TMEM209: variants seen among roughly 807,000 people sequenced by gnomAD.
The protein encoded by TMEM209 is transmembrane protein 209.
TMEM209 carries 65 observed loss-of-function variants against 76.2 expected under a neutral mutation model. That is an observed-to-expected ratio of 0.85 (90% CI 0.70 to 1.05). TMEM209 has a LOEUF of 1.05. Ranked by LOEUF, TMEM209 falls within the 50% of genes least tolerant of loss-of-function variation. The probability of loss-of-function intolerance (pLI) is 0.00; values close to 1 mark genes in which losing one functional copy is unlikely to be tolerated. For missense variants in TMEM209, 623 were observed against 685.5 expected (o/e 0.91, Z 1.02); for synonymous variants, 239 against 237.6 (o/e 1.01, Z -0.06).
chr7:130,202,011 TCTGACC>T lies in TMEM209; in HGVS notation c.406_411del (p.Gly136_Gln137del). 6.2e-7 allele frequency: 1 copy of T among 1,613,720 alleles called. No homozygotes were observed. The highest frequency in any genetic ancestry group is 1.1e-5 in the South Asian group (1 of 91,064). On this transcript the variant is annotated inframe_deletion, in exon 5 of 15. Coordinates refer to ENST00000397622, the MANE Select transcript of TMEM209 (RefSeq NM_032842.4). ...CGAGAAGGGCTATAACTCAACACAC[TCTGACC>T]CTGAATTGAAGGGGAAGGTGGAGCG...
intron 5 of TMEM209, among the ~76,000 whole-genome samples, chr7:130,194,374 T>TA (rs766189855): frequency 3.9e-4 from 58 of 150,142 alleles, no homozygotes; most frequent in East Asian, 1.8e-3. Context: ...GCCCAGGAGT[T>TA]AGAGGCTATG....
intron 7 of TMEM209, among the ~76,000 whole-genome samples, chr7:130,184,605 G>A (rs144457886): frequency 0.021 from 3,184 of 150,152 alleles, 108 homozygotes; most frequent in African/African-American, 0.073. Context: ...CAATCCTCCC[G>A]CCTCAGCCTC....
chr7:130,202,703 AG>A (rs1798259008), intron 3 of TMEM209, 40 bp from the exon 4 acceptor site: 1 of 1,593,750 alleles, frequency 6.3e-7, no homozygotes, highest in African/African-American at 1.3e-5. Context: ...GGGGGTGAGG[AG>A]GGCATCTATT....
intron 5 of TMEM209, among the ~76,000 whole-genome samples, chr7:130,194,872 A>T (rs952989711): frequency 6.6e-6 from 1 of 152,180 alleles, no homozygotes; most frequent in Non-Finnish European, 1.5e-5. Context: ...TTAGTTTGCA[A>T]TAAGTTAAAG....
intron 10 of TMEM209, among the ~76,000 whole-genome samples, chr7:130,176,254 A>C (rs1252739723): frequency 6.6e-6 from 1 of 151,484 alleles, no homozygotes; most frequent in East Asian, 1.9e-4. Context: ...CTGGGACTAC[A>C]GGTGCCTGCC....
chr7:130,181,667 C>T lies in TMEM209; in HGVS notation c.1076G>A (p.Ser359Asn). Reference sequence around the variant, plus strand: ...ACAACCCATTCGTCTCATCTGTGTGCTGACAGACTCAATCTCTTGAACAAG... The same window carrying T: ...ACAACCCATTCGTCTCATCTGTGTGTTGACAGACTCAATCTCTTGAACAAG... ...VPLVQEIESV[S>N]TQMRRMGCPE... The change falls in exon 9 of 15, where the codon AGC becomes AAC. Residue 359 changes from serine (S) to asparagine (N), a missense_variant. By Grantham distance (46) the Ser-to-Asn change is conservative. Coordinates refer to ENST00000397622, the MANE Select transcript of TMEM209 (RefSeq NM_032842.4). 1 of 1,612,470 alleles carries T rather than the reference C, an allele frequency of 6.2e-7. No individual in the cohort carries two copies. The highest frequency in any genetic ancestry group is 2.2e-5 in the East Asian group (1 of 44,848).
intron 6 of TMEM209, among the ~76,000 whole-genome samples, chr7:130,190,233 T>C (rs1239614203): frequency 6.6e-6 from 1 of 152,124 alleles, no homozygotes; most frequent in East Asian, 1.9e-4. Flanking sequence ...ATGGCTAATA[T>C]TGGGCCAGGC....
At chr7:130,185,754 A>T (rs1236061041) in intron 6 of TMEM209, among the ~76,000 whole-genome samples, 1 of 152,206 alleles carries the variant, frequency 6.6e-6, no homozygotes, top group African/African-American at 2.4e-5. Flanking sequence ...AGCTCTTTCT[A>T]AAAGGGATAA....
At position 130,174,745 on chromosome 7, in the gene TMEM209, C is replaced by T. The variant is rs564891263; in HGVS notation, c.1344+767G>A. On this transcript the variant is annotated intron_variant, in intron 11 of 14. Coordinates refer to ENST00000397622, the MANE Select transcript of TMEM209 (RefSeq NM_032842.4). ...GACAATCCCAAGAAAGAAAGCAATG[C>T]GCATCACACTATTTGCATGCTGCAT... Among the ~76,000 whole-genome samples the T allele has an allele frequency of 7.9e-5, 12 of 152,232 alleles. No homozygotes were observed. The South Asian group carries it at 1.0e-3, about 13-fold the overall frequency.
chr7:130,196,496 A>G (rs1455586202), intron 5 of TMEM209, among the ~76,000 whole-genome samples: 1 of 152,222 alleles, frequency 6.6e-6, no homozygotes, highest in African/African-American at 2.4e-5. Context: ...GTCTAGAGGG[A>G]AAAAAGTGAA....
chr7:130,198,382 G>A (rs1429115654), intron 5 of TMEM209, among the ~76,000 whole-genome samples: 6 of 152,078 alleles, frequency 3.9e-5, no homozygotes, highest in African/African-American at 7.2e-5. Flanking sequence ...AGGCTGAGGT[G>A]GGCGGATCAC....
chr7:130,200,242 C>G (rs769312014), intron 5 of TMEM209, among the ~76,000 whole-genome samples: 1 of 151,762 alleles, frequency 6.6e-6, no homozygotes, highest in Non-Finnish European at 1.5e-5. Context: ...GAGTAAAGCA[C>G]GAGAACTTCC....
At chr7:130,192,054 A>G (rs1478996133) in intron 6 of TMEM209, among the ~76,000 whole-genome samples, 1 of 152,196 alleles carries the variant, frequency 6.6e-6, no homozygotes, top group African/African-American at 2.4e-5. Context: ...CGGGGGAAAA[A>G]TCATTACTCA....
rs374694473 is a variant in TMEM209 at position 130,204,904 on chromosome 7, C to T, written c.3+469G>A. 52 of 1,038,512 alleles carry T rather than the reference C, an allele frequency of 5.0e-5. No individual in the cohort carries two copies. In the African/African-American group the frequency reaches 7.7e-4, roughly 15 times the overall value. The allele number at this position is 1,038,512 out of a possible 1,614,324, so 64.3% of individuals were successfully genotyped here. ...AACTCTGCACTTGGACAGCTGTACT[C>T]CAGGGCTCTCCCTTTTGTGTGTGGA... On this transcript the variant is annotated intron_variant, in intron 1 of 14. Coordinates refer to ENST00000397622, the MANE Select transcript of TMEM209 (RefSeq NM_032842.4).
At position 130,203,775 on chromosome 7, in the gene TMEM209, A is replaced by C. The variant is rs778408820; in HGVS notation, c.199+13T>G. 6 of 1,592,130 alleles carry C rather than the reference A, an allele frequency of 3.8e-6. No individual in the cohort carries two copies. The highest frequency in any genetic ancestry group is 1.1e-5 in the South Asian group (1 of 88,056). On this transcript the variant is annotated intron_variant, in intron 3 of 14. Coordinates refer to ENST00000397622, the MANE Select transcript of TMEM209 (RefSeq NM_032842.4). ...TTGGTAAATGTAAGTTACAGTGAAA[A>C]TTACTTACTTACCAATATACCAGAG...
In TMEM209 at chr7:130,177,833, G is replaced by A. The variant is rs1265632605; in HGVS notation, c.1246+569C>T. On this transcript the variant is annotated intron_variant, in intron 10 of 14. Transcript: ENST00000397622. ...ATCCTGCTCTAACCTTAGGGGAAAGGGAGAACACTATAATATTTTCAAATT... is the reference window on the plus strand; with the variant it reads ...ATCCTGCTCTAACCTTAGGGGAAAGAGAGAACACTATAATATTTTCAAATT... Among the ~76,000 whole-genome samples, 4 of 152,028 alleles carry A rather than the reference G, an allele frequency of 2.6e-5. No homozygotes were observed. The South Asian group carries it at 8.3e-4, about 32-fold the overall frequency.
At chr7:130,169,131 G>T (rs770950552) in intron 14 of TMEM209, among the ~76,000 whole-genome samples, 1 of 145,012 alleles carries the variant, frequency 6.9e-6, no homozygotes, top group South Asian at 2.2e-4. Flanking sequence ...GGAGGCAGAG[G>T]TTGCAGTGAG....
At chr7:130,205,182 G>A (rs1798402248) in intron 1 of TMEM209, 191 bp downstream of exon 1, 1 of 1,506,460 alleles carries the variant, frequency 6.6e-7, no homozygotes, top group East Asian at 2.4e-5. Flanking sequence ...TCCCAGTCCA[G>A]AGCTTCCCTC....
chr7:130,187,424 A>G (rs921901396), intron 6 of TMEM209, among the ~76,000 whole-genome samples: 1 of 152,124 alleles, frequency 6.6e-6, no homozygotes, highest in African/African-American at 2.4e-5. Flanking sequence ...GTAGGCCTTG[A>G]GAAATCTATC....
Sources: gnomAD v4.1 joint callset for allele counts (sites outside exome capture counted in the v4.1 genomes callset) on GRCh38, gnomAD v4.1.1 for gene constraint, MANE v1.5 for transcripts, NCBI Gene and HGNC (gene_info 2026-07-23, HGNC 2026-07-21) for gene names.